MYO5A: variants seen among roughly 807,000 people sequenced by gnomAD.
MYO5A encodes the protein unconventional myosin-Va.
Under a neutral mutation model 249.7 loss-of-function variants are expected in MYO5A, and 98 were observed. The observed-to-expected ratio is 0.39, with a 90% CI of 0.33 to 0.46. The LOEUF is 0.46. MYO5A is among the 20% of genes least tolerant of loss of function. The probability of loss-of-function intolerance (pLI) is 0.98; values close to 1 mark genes in which losing one functional copy is unlikely to be tolerated. For missense variants in MYO5A, 1,696 were observed against 2,308.8 expected, an observed-to-expected ratio of 0.73 and a Z score of 5.44; for synonymous variants, 778 against 810.6, an observed-to-expected ratio of 0.96 and a Z score of 0.68.
At chr15:52,520,720 C>G (rs2077600599) in intron 1 of MYO5A, among the ~76,000 whole-genome samples, 1 of 152,180 alleles carries the variant, frequency 6.6e-6, no homozygotes, top group African/African-American at 2.4e-5. Flanking sequence ...TGTGCCAAAC[C>G]TCTCATCCAT....
At chr15:52,493,883 T>C (rs1337362037) in intron 1 of MYO5A, among the ~76,000 whole-genome samples, 2 of 152,152 alleles carry the variant, frequency 1.3e-5, no homozygotes, top group South Asian at 4.1e-4. Flanking sequence ...TCTGAAACTA[T>C]AATCTGTATT....
intron 4 of MYO5A, among the ~76,000 whole-genome samples, chr15:52,417,737 T>C (rs1464963): frequency 0.48 from 73,677 of 152,056 alleles, 21,118 homozygotes; most frequent in Non-Finnish European, 0.63. Context: ...TTTAAGCTGA[T>C]TTCCTCTCTG....
chr15:52,340,877 G>A (rs71472940), intron 31 of MYO5A, among the ~76,000 whole-genome samples: 2 of 151,752 alleles, frequency 1.3e-5, no homozygotes, highest in Admixed American at 6.6e-5. Flanking sequence ...GAACCCAGGA[G>A]GCAAAGGTTG....
intron 1 of MYO5A, among the ~76,000 whole-genome samples, chr15:52,524,017 T>C (rs568377347): frequency 1.3e-5 from 2 of 152,360 alleles, no homozygotes; most frequent in African/African-American, 4.8e-5. Context: ...ATCTAGGCCA[T>C]GTGGCTCCTG....
chr15:52,337,709 A>G, intron 33 of MYO5A, 101 bp downstream of exon 33: 1 of 836,876 alleles, frequency 1.2e-6, no homozygotes, highest in Non-Finnish European at 1.8e-6. Flanking sequence ...AAAATTTTGA[A>G]GAGACTTCCT....
chr15:52,319,485 T>C (rs1596275435), intron 38 of MYO5A, 143 bp from the exon 39 acceptor site: 2 of 923,516 alleles, frequency 2.2e-6, no homozygotes, highest in East Asian at 2.5e-5. Flanking sequence ...CCCAGCACTT[T>C]GGGAGGCCGC....
chr15:52,390,053 C>A (rs1696361487), intron 12 of MYO5A, among the ~76,000 whole-genome samples: 1 of 152,164 alleles, frequency 6.6e-6, no homozygotes, highest in South Asian at 2.1e-4. Context: ...ACAAACATCA[C>A]ATGTTCTCAT....
chr15:52,520,059 C>G (rs2077585197), intron 1 of MYO5A, among the ~76,000 whole-genome samples: 1 of 152,086 alleles, frequency 6.6e-6, no homozygotes, highest in Non-Finnish European at 1.5e-5. Flanking sequence ...CAAAATGATT[C>G]TCTAGGGGAA....
At chr15:52,469,405 T>C (rs1253538578) in intron 1 of MYO5A, among the ~76,000 whole-genome samples, 1 of 152,112 alleles carries the variant, frequency 6.6e-6, no homozygotes, top group African/African-American at 2.4e-5. Flanking sequence ...AGGAAAAGAA[T>C]ATATTTACTA....
chr15:52,524,761 A>T (rs1445678006), intron 1 of MYO5A, among the ~76,000 whole-genome samples: 1 of 151,848 alleles, frequency 6.6e-6, no homozygotes, highest in Non-Finnish European at 1.5e-5. Context: ...CCAGCTACTC[A>T]CGAGGCTGAG....
chr15:52,484,900 T>G (rs2076786604), intron 1 of MYO5A, among the ~76,000 whole-genome samples: 1 of 152,064 alleles, frequency 6.6e-6, no homozygotes, highest in African/African-American at 2.4e-5. Context: ...TTTTGTATTT[T>G]TAGTAGCGAT....
chr15:52,466,631 A>G (rs2076359393), intron 1 of MYO5A, among the ~76,000 whole-genome samples: 1 of 152,186 alleles, frequency 6.6e-6, no homozygotes, highest in African/African-American at 2.4e-5. Flanking sequence ...TCAGCATAAC[A>G]GTGGTCAGCC....
rs139994320 is a variant in MYO5A at position 52,438,075 on chromosome 15, G to A, written c.28-4790C>T. The A allele has an allele frequency of 5.5e-5, 54 of 984,826 alleles. No individual in the cohort carries two copies. In the African/African-American group the frequency reaches 8.7e-4, roughly 16 times the overall value. 61.0% of individuals were successfully genotyped at this position (984,826 alleles called of 1,614,324 possible). ...TTCCATCTTAACCAATGAGATCAGT[G>A]ACTCTGCAGAAACAACTATGCCAGA... On this transcript the variant is annotated intron_variant, in intron 1 of 41. Coordinates refer to ENST00000399233, the MANE Select transcript of MYO5A (RefSeq NM_001382347.1).
chr15:52,331,119 G>A (rs907717120), intron 34 of MYO5A, among the ~76,000 whole-genome samples: 1 of 152,070 alleles, frequency 6.6e-6, no homozygotes, highest in African/African-American at 2.4e-5. Context: ...ATTTTCTCCT[G>A]CCATCCTCAT....
intron 1 of MYO5A, 59 bp downstream of exon 1, chr15:52,528,721 C>A (rs950597564): frequency 1.4e-6 from 2 of 1,480,674 alleles, no homozygotes; most frequent in Non-Finnish European, 1.8e-6. Context: ...CCCAGCCTGA[C>A]AGCTGGCGGC....
At chr15:52,486,854 T>C (rs1475410533) in intron 1 of MYO5A, among the ~76,000 whole-genome samples, 1 of 152,126 alleles carries the variant, frequency 6.6e-6, no homozygotes, top group East Asian at 1.9e-4. Flanking sequence ...TGAGGCTCTA[T>C]AGAAGATTCC....
intron 1 of MYO5A, among the ~76,000 whole-genome samples, chr15:52,515,233 C>G (rs1489231283): frequency 1.3e-5 from 2 of 150,428 alleles, no homozygotes; most frequent in Non-Finnish European, 2.9e-5. Flanking sequence ...GCTATGATCA[C>G]GTCACTGCAC....
At chr15:52,318,378 C>T (rs1479586358) in intron 39 of MYO5A, among the ~76,000 whole-genome samples, 3 of 151,002 alleles carry the variant, frequency 2.0e-5, no homozygotes, top group Non-Finnish European at 2.9e-5. Context: ...ATTGCTTCAA[C>T]CCAGGAGGCA....
At chr15:52,504,979 C>T (rs574533727) in intron 1 of MYO5A, among the ~76,000 whole-genome samples, 6 of 152,158 alleles carry the variant, frequency 3.9e-5, no homozygotes, top group South Asian at 4.2e-4. Context: ...AAGGTTATCT[C>T]GGGGCTATTC....
Sources: gnomAD v4.1 joint callset for allele counts (sites outside exome capture counted in the v4.1 genomes callset) on GRCh38, gnomAD v4.1.1 for gene constraint, MANE v1.5 for transcripts, NCBI Gene and HGNC (gene_info 2026-07-23, HGNC 2026-07-21) for gene names.